Variants in ZNF827 observed in about 807,000 individuals in gnomAD.
ZNF827 encodes the protein zinc finger protein 827.
Under a neutral mutation model 102.4 loss-of-function variants are expected in ZNF827, and 13 were observed. The ratio of observed to expected loss-of-function variants is 0.13; its 90% CI spans 0.08 to 0.20. The LOEUF is 0.20. ZNF827 is among the 10% of genes least tolerant of loss of function. The pLI is 1.00. For synonymous variants in ZNF827, 523 were observed against 536.2 expected, an observed-to-expected ratio of 0.98 and a Z score of 0.34; for missense variants, 1,103 against 1,344.4, an observed-to-expected ratio of 0.82 and a Z score of 2.81.
At chr4:145,938,210 G>T (rs1375471760) in intron 1 of ZNF827, among the ~76,000 whole-genome samples, 155 bp downstream of exon 1, 1 of 151,986 alleles carries the variant, frequency 6.6e-6, no homozygotes, top group African/African-American at 2.4e-5. Flanking sequence ...CCTCAGCATA[G>T]ACCTAAACGA....
chr4:145,804,610 G>GATT, intron 8 of ZNF827, among the ~76,000 whole-genome samples: 1 of 152,218 alleles, frequency 6.6e-6, no homozygotes, highest in Admixed American at 6.5e-5. Context: ...ATTATTGAAG[G>GATT]TAGGTGGGAA....
At chr4:145,788,666 G>A (rs1460093693) in intron 8 of ZNF827, among the ~76,000 whole-genome samples, 1 of 152,152 alleles carries the variant, frequency 6.6e-6, no homozygotes, top group Non-Finnish European at 1.5e-5. Context: ...GAAGCAAACT[G>A]ACAATATTGA....
intron 8 of ZNF827, among the ~76,000 whole-genome samples, chr4:145,808,403 C>T (rs772930850): frequency 6.6e-6 from 1 of 152,122 alleles, no homozygotes. Context: ...CCAGGACCCT[C>T]CCCCATCATG....
chr4:145,858,932 G>A (rs1747440768), intron 5 of ZNF827, among the ~76,000 whole-genome samples: 1 of 152,060 alleles, frequency 6.6e-6, no homozygotes, highest in Non-Finnish European at 1.5e-5. Flanking sequence ...TTTCTTATGT[G>A]GTGCTACATA....
intron 2 of ZNF827, among the ~76,000 whole-genome samples, chr4:145,900,545 G>T (rs933723182): frequency 6.6e-6 from 1 of 152,002 alleles, no homozygotes; most frequent in South Asian, 2.1e-4. Context: ...AAGTAGCTGG[G>T]ATTACAGGCG....
chr4:145,808,539 C>T (rs1741707787), intron 8 of ZNF827, among the ~76,000 whole-genome samples: 1 of 152,078 alleles, frequency 6.6e-6, no homozygotes, highest in African/African-American at 2.4e-5. Context: ...CTGGAAAGCC[C>T]CGATAGGAAA....
chr4:145,864,601 A>G (rs1411641264), intron 5 of ZNF827, among the ~76,000 whole-genome samples: 1 of 152,006 alleles, frequency 6.6e-6, no homozygotes, highest in Non-Finnish European at 1.5e-5. Flanking sequence ...CTCTAAAAAA[A>G]TAATAAAATA....
intron 1 of ZNF827, among the ~76,000 whole-genome samples, chr4:145,919,337 C>T (rs1414871966): frequency 2.0e-5 from 3 of 152,220 alleles, no homozygotes; most frequent in African/African-American, 7.2e-5. Context: ...TAAGGGACCA[C>T]CCGTACTTGT....
chr4:145,845,394 C>G (rs1745833925), intron 7 of ZNF827, among the ~76,000 whole-genome samples: 1 of 152,212 alleles, frequency 6.6e-6, no homozygotes, highest in Admixed American at 6.5e-5. Context: ...TCCTTGTCCA[C>G]AGTGGTGAAT....
At chr4:145,929,424 T>C (rs1159783608) in intron 1 of ZNF827, among the ~76,000 whole-genome samples, 2 of 152,224 alleles carry the variant, frequency 1.3e-5, no homozygotes, top group African/African-American at 4.8e-5. Context: ...GGATTTAGTA[T>C]CCTCACTTTA....
intron 8 of ZNF827, among the ~76,000 whole-genome samples, chr4:145,802,951 A>G (rs991011462): frequency 6.6e-6 from 1 of 152,174 alleles, no homozygotes; most frequent in African/African-American, 2.4e-5. Flanking sequence ...CAAAAATAAA[A>G]GAGTGAAATA....
intron 4 of ZNF827, among the ~76,000 whole-genome samples, chr4:145,874,722 A>G (rs2126776801): frequency 6.6e-6 from 1 of 152,326 alleles, no homozygotes; most frequent in South Asian, 2.1e-4. Context: ...TGCGGAACTC[A>G]ACTTGTCAAG....
intron 2 of ZNF827, among the ~76,000 whole-genome samples, chr4:145,898,908 T>C (rs1300981670): frequency 6.6e-6 from 1 of 152,194 alleles, no homozygotes; most frequent in African/African-American, 2.4e-5. Context: ...CTAGCACATA[T>C]CTCTTTGTAA....
chr4:145,793,003 T>C (rs1739922590), intron 8 of ZNF827, among the ~76,000 whole-genome samples: 1 of 152,026 alleles, frequency 6.6e-6, no homozygotes. Flanking sequence ...GCATTATGAC[T>C]TGGCCACCTT....
chr4:145,772,114 T>C (rs902473343), intron 11 of ZNF827, among the ~76,000 whole-genome samples: 1 of 152,220 alleles, frequency 6.6e-6, no homozygotes, highest in East Asian at 1.9e-4. Context: ...ACTAGGACTC[T>C]AAGGTTCAAG....
chr4:145,854,254 G>A (rs987698885), intron 5 of ZNF827, among the ~76,000 whole-genome samples: 2 of 151,984 alleles, frequency 1.3e-5, no homozygotes, highest in Non-Finnish European at 2.9e-5. Flanking sequence ...CACAGGAAGT[G>A]GAGGTTGTGA....
chr4:145,894,930 G>A (rs868101324), intron 2 of ZNF827, among the ~76,000 whole-genome samples: 8 of 152,134 alleles, frequency 5.3e-5, no homozygotes, highest in Middle Eastern at 3.2e-3. Flanking sequence ...CAACAGACTG[G>A]AGAGAAAGGA....
intron 8 of ZNF827, among the ~76,000 whole-genome samples, chr4:145,822,581 T>C (rs77631604): frequency 0.011 from 1,679 of 151,956 alleles, 37 homozygotes; most frequent in Admixed American, 0.048. Flanking sequence ...CCTGGACAAA[T>C]GAATGTGGAT....
At chr4:145,851,097 A>C (rs1312424627) in intron 5 of ZNF827, among the ~76,000 whole-genome samples, 1 of 152,236 alleles carries the variant, frequency 6.6e-6, no homozygotes, top group Non-Finnish European at 1.5e-5. Context: ...CCCTGCAGCC[A>C]CTGGAAGCTG....
Sources: allele counts gnomAD v4.1 joint callset (sites outside exome capture counted in the v4.1 genomes callset), GRCh38; gene constraint gnomAD v4.1.1; transcripts MANE v1.5; gene names NCBI Gene and HGNC (gene_info 2026-07-23, HGNC 2026-07-21).